Variants in DOCK3 observed in about 807,000 individuals in gnomAD.
DOCK3 encodes the protein dedicator of cytokinesis 3.
DOCK3 carries 60 observed loss-of-function variants against 265.6 expected under a neutral mutation model. That is an observed-to-expected ratio of 0.23 (90% confidence interval 0.18 to 0.28). The LOEUF (loss-of-function observed/expected upper bound fraction) is 0.28. Among genes scored for constraint, DOCK3 ranks in the 10% least tolerant of loss-of-function variants. The pLI, the probability that DOCK3 is intolerant of heterozygous loss-of-function variation, is 1.00. For missense variants in DOCK3, 1,981 were observed against 2,594.3 expected (o/e 0.76, Z 5.14); for synonymous variants, 881 against 938.0 (o/e 0.94, Z 1.11).
At chr3:51,315,229 T>C in intron 32 of DOCK3, 101 bp downstream of exon 32, 1 of 1,376,178 alleles carries the variant, frequency 7.3e-7, no homozygotes, top group Non-Finnish European at 9.6e-7. Context: ...GGGGATGGGC[T>C]GTAGTTTGGC....
intron 5 of DOCK3, among the ~76,000 whole-genome samples, chr3:51,029,048 A>T (rs1340358767): frequency 6.6e-6 from 1 of 151,984 alleles, no homozygotes; most frequent in Non-Finnish European, 1.5e-5. Context: ...TTCTTTTTTT[A>T]AAAATTTACT....
chr3:51,249,740 C>T (rs1260223855), intron 22 of DOCK3, among the ~76,000 whole-genome samples: 5 of 140,794 alleles, frequency 3.6e-5, no homozygotes, highest in Admixed American at 2.8e-4. Context: ...AGTGAGGAGC[C>T]CCTCTGCCCG....
intron 49 of DOCK3, among the ~76,000 whole-genome samples, chr3:51,372,847 C>T (rs949366911): frequency 1.3e-5 from 2 of 152,152 alleles, no homozygotes; most frequent in African/African-American, 4.8e-5. Flanking sequence ...TTTTTCATTT[C>T]TCTTTACATA....
chr3:50,863,978 G>A (rs1429774851), intron 3 of DOCK3, among the ~76,000 whole-genome samples: 1 of 152,176 alleles, frequency 6.6e-6, no homozygotes, highest in African/African-American at 2.4e-5. Flanking sequence ...TATGTACCAA[G>A]CAGGGGATTG....
chr3:50,841,357 T>C (rs553355017), intron 2 of DOCK3, among the ~76,000 whole-genome samples: 1 of 152,328 alleles, frequency 6.6e-6, no homozygotes, highest in East Asian at 1.9e-4. Flanking sequence ...AGTGATACAA[T>C]TTTAGCATTT....
intron 2 of DOCK3, among the ~76,000 whole-genome samples, chr3:50,822,452 T>TA (rs1476802623): frequency 1.3e-5 from 2 of 152,188 alleles, no homozygotes; most frequent in African/African-American, 4.8e-5. Flanking sequence ...GTCACAATGA[T>TA]ATTGAGAAAT....
intron 9 of DOCK3, among the ~76,000 whole-genome samples, chr3:51,125,016 G>A (rs2084205837): frequency 6.6e-6 from 1 of 150,708 alleles, no homozygotes. Context: ...GCGTGTTCCT[G>A]TAGTCCCAGC....
intron 9 of DOCK3, among the ~76,000 whole-genome samples, chr3:51,121,465 G>C (rs1407704330): frequency 6.6e-6 from 1 of 152,170 alleles, no homozygotes; most frequent in East Asian, 1.9e-4. Context: ...TCCCAGGGAA[G>C]GCTTTTAGTG....
At position 51,382,998 on chromosome 3, in the gene DOCK3, TTAA is replaced by T. The variant is rs2088758130; in HGVS notation, c.*1441_*1443del. On this transcript the variant is annotated 3_prime_UTR_variant, in exon 53 of 53. Coordinates refer to ENST00000266037, the MANE Select transcript of DOCK3 (RefSeq NM_004947.5). Reference sequence around the variant, plus strand: ...TTTCTTTTATTTGCTCGAGTTCACATTAATGATGGTCACAAGGCTGCCTTGTTG... The same window carrying T: ...TTTCTTTTATTTGCTCGAGTTCACATTGATGGTCACAAGGCTGCCTTGTTG... 1 of 152,220 alleles carries T rather than the reference TTAA, an allele frequency of 6.6e-6. No homozygotes were observed. The highest frequency in any genetic ancestry group is 1.5e-5 in the Non-Finnish European group (1 of 68,040). 9.4% of individuals were successfully genotyped at this position (152,220 alleles called of 1,614,324 possible).
chr3:50,859,459 AC>A (rs1192629306), intron 3 of DOCK3, among the ~76,000 whole-genome samples: 2 of 150,264 alleles, frequency 1.3e-5, no homozygotes, highest in Admixed American at 6.6e-5. Flanking sequence ...CTCGTGATCC[AC>A]CCCCCTCGGC....
chr3:50,930,840 G>T (rs866931010), intron 4 of DOCK3, among the ~76,000 whole-genome samples: 1 of 152,194 alleles, frequency 6.6e-6, no homozygotes, highest in Non-Finnish European at 1.5e-5. Flanking sequence ...TGGGCATGGC[G>T]ACCGTACCTC....
At chr3:50,744,449 T>G (rs1431124124) in intron 1 of DOCK3, among the ~76,000 whole-genome samples, 1 of 152,052 alleles carries the variant, frequency 6.6e-6, no homozygotes, top group Non-Finnish European at 1.5e-5. Context: ...TTTTTTTTTT[T>G]TTTGAGGCAG....
intron 13 of DOCK3, among the ~76,000 whole-genome samples, chr3:51,211,987 C>T (rs112304943): frequency 7.8e-4 from 119 of 152,274 alleles, no homozygotes; most frequent in Non-Finnish European, 1.2e-3. Context: ...GAGTGGGTCA[C>T]TTTACTGAAC....
chr3:51,295,020 T>A (rs1304571546), intron 27 of DOCK3, among the ~76,000 whole-genome samples: 1 of 152,254 alleles, frequency 6.6e-6, no homozygotes, highest in East Asian at 1.9e-4. Context: ...ATACAATTAT[T>A]ATTTGTCAAT....
chr3:51,022,442 G>A (rs2079632465), intron 5 of DOCK3, among the ~76,000 whole-genome samples: 1 of 152,182 alleles, frequency 6.6e-6, no homozygotes, highest in South Asian at 2.1e-4. Context: ...TGACTTAAAA[G>A]AACTATGTTT....
intron 10 of DOCK3, among the ~76,000 whole-genome samples, chr3:51,154,243 A>G (rs1014706167): frequency 6.6e-6 from 1 of 152,238 alleles, no homozygotes; most frequent in Non-Finnish European, 1.5e-5. Flanking sequence ...CTCCAGATGT[A>G]TGGAAAGATT....
At chr3:51,160,420 C>T in intron 11 of DOCK3, 135 bp from the exon 12 acceptor site, 3 of 1,121,946 alleles carry the variant, frequency 2.7e-6, no homozygotes, top group African/African-American at 3.2e-5. Flanking sequence ...TGGATGACTC[C>T]CTTCAGCCCT....
chr3:51,300,152 A>G (rs2082298125), intron 27 of DOCK3, among the ~76,000 whole-genome samples: 1 of 152,026 alleles, frequency 6.6e-6, no homozygotes, highest in Non-Finnish European at 1.5e-5. Context: ...GTATGCCTAG[A>G]TATTTTATTC....
chr3:51,011,239 C>T (rs781380758), intron 5 of DOCK3, among the ~76,000 whole-genome samples: 14 of 152,274 alleles, frequency 9.2e-5, no homozygotes, highest in East Asian at 1.9e-4. Context: ...CCGTTCTCCC[C>T]GTCACTTTCA....
Sources: gnomAD v4.1 joint callset for allele counts (sites outside exome capture counted in the v4.1 genomes callset) on GRCh38, gnomAD v4.1.1 for gene constraint, MANE v1.5 for transcripts, NCBI Gene and HGNC (gene_info 2026-07-23, HGNC 2026-07-21) for gene names.